LIX1: variants seen among roughly 807,000 people sequenced by gnomAD.
LIX1 encodes the protein limb and CNS expressed 1, also known as protein limb expression 1 homolog.
In LIX1, 24 loss-of-function variants were observed where a neutral mutation model predicts 33.4. The observed-to-expected ratio is 0.72, with a 90% confidence interval of 0.52 to 1.01. LIX1 has a LOEUF of 1.01. LIX1 is among the 50% of genes least tolerant of loss of function. LIX1 has a pLI of 0.00. For synonymous variants in LIX1, 124 were observed against 124.0 expected, an observed-to-expected ratio of 1.00 and a Z score of 0.00; for missense variants, 311 against 339.2, an observed-to-expected ratio of 0.92 and a Z score of 0.65.
At position 97,092,827 on chromosome 5, in the gene LIX1, C is replaced by G. The variant is rs767963125; in HGVS notation, c.*1921G>C. Reference sequence around the variant, plus strand: ...TCACATCCAGCATGGGAAATTGTGGCTTTTTGGAAATGACAATGTAAAGAG... The same window carrying G: ...TCACATCCAGCATGGGAAATTGTGGGTTTTTGGAAATGACAATGTAAAGAG... On this transcript the variant is annotated 3_prime_UTR_variant, in exon 6 of 6. Coordinates refer to ENST00000274382, the MANE Select transcript of LIX1 (RefSeq NM_153234.5). The G allele has an allele frequency of 6.6e-6, 1 of 152,248 alleles. No homozygotes were observed. The highest frequency in any genetic ancestry group is 1.5e-5 in the Non-Finnish European group (1 of 68,008). The allele number at this position is 152,248 out of a possible 1,614,324, so 9.4% of individuals were successfully genotyped here.
intron 1 of LIX1, among the ~76,000 whole-genome samples, chr5:97,132,856 A>G (rs1046932467): frequency 7.9e-5 from 12 of 152,314 alleles, no homozygotes; most frequent in African/African-American, 2.6e-4. Context: ...AAAACCCACT[A>G]GAAGTGGGTA....
intron 4 of LIX1, among the ~76,000 whole-genome samples, chr5:97,100,122 C>T (rs1052010283): frequency 2.0e-5 from 3 of 152,196 alleles, no homozygotes; most frequent in Admixed American, 6.5e-5. Flanking sequence ...CTGCTCTCCC[C>T]GCCCCATAAG....
At chr5:97,109,142 T>G (rs1009217576) in intron 2 of LIX1, among the ~76,000 whole-genome samples, 2 of 152,114 alleles carry the variant, frequency 1.3e-5, no homozygotes, top group African/African-American at 4.8e-5. Flanking sequence ...CCTCTGTGAT[T>G]TTCCCTCAAA....
intron 4 of LIX1, among the ~76,000 whole-genome samples, chr5:97,098,005 A>G (rs1746482062): frequency 6.6e-6 from 1 of 152,242 alleles, no homozygotes; most frequent in African/African-American, 2.4e-5. Context: ...TTCTGCCTAA[A>G]GCCAACTTCC....
At chr5:97,116,219 C>T (rs986821499) in intron 2 of LIX1, among the ~76,000 whole-genome samples, 2 of 152,182 alleles carry the variant, frequency 1.3e-5, no homozygotes, top group African/African-American at 4.8e-5. Flanking sequence ...CTTGACTACC[C>T]TGACCGAAGC....
At chr5:97,124,078 A>AGTATCAG (rs1747850509) in intron 2 of LIX1, among the ~76,000 whole-genome samples, 1 of 152,240 alleles carries the variant, frequency 6.6e-6, no homozygotes, top group African/African-American at 2.4e-5. Flanking sequence ...AAATATAAAT[A>AGTATCAG]GTATCAGGTA....
intron 1 of LIX1, among the ~76,000 whole-genome samples, chr5:97,128,092 A>C (rs1056932719): frequency 6.6e-6 from 1 of 152,240 alleles, no homozygotes; most frequent in African/African-American, 2.4e-5. Flanking sequence ...ATGTCTGGCT[A>C]CTAGTTATTA....
intron 4 of LIX1, among the ~76,000 whole-genome samples, chr5:97,101,012 G>T (rs1441712486): frequency 6.6e-6 from 1 of 151,498 alleles, no homozygotes; most frequent in Non-Finnish European, 1.5e-5. Context: ...GTGGTGTTTT[G>T]TTTGTGGGGT....
At chr5:97,117,009 T>TA (rs996913329) in intron 2 of LIX1, among the ~76,000 whole-genome samples, 1 of 152,050 alleles carries the variant, frequency 6.6e-6, no homozygotes, top group Non-Finnish European at 1.5e-5. Flanking sequence ...CTTTGTTTAA[T>TA]AAAAAAAGAA....
intron 1 of LIX1, among the ~76,000 whole-genome samples, chr5:97,130,096 G>A (rs957465672): frequency 1.3e-5 from 2 of 152,230 alleles, no homozygotes; most frequent in Non-Finnish European, 2.9e-5. Context: ...AAGCAATGGT[G>A]TAAATACCCA....
chr5:97,134,988 C>T (rs1415523400), intron 1 of LIX1, among the ~76,000 whole-genome samples: 1 of 152,210 alleles, frequency 6.6e-6, no homozygotes, highest in African/African-American at 2.4e-5. Flanking sequence ...CTTAACTCTT[C>T]ACCAACTGGA....
intron 2 of LIX1, 75 bp downstream of exon 2, chr5:97,124,391 T>C (rs1254864320): frequency 1.6e-6 from 2 of 1,277,796 alleles, no homozygotes; most frequent in Non-Finnish European, 2.1e-6. Flanking sequence ...ATTTGTAATG[T>C]TACCAGTTTA....
rs374770370 is a variant in LIX1, at chr5:97,096,310, A to T, written c.561+500T>A. Among the ~76,000 whole-genome samples, 21 of 152,102 alleles carry T rather than the reference A, an allele frequency of 1.4e-4. 1 individual carries two copies. In the East Asian group the frequency reaches 1.5e-3, roughly 11 times the overall value. ...AAGAAGAAACTTCTAAACCAAAAAA[A>T]TGGGAGTGATTAAATGCCGGCTTGT... On this transcript the variant is annotated intron_variant, in intron 5 of 5. Transcript: ENST00000274382.
chr5:97,104,857 C>CA (rs1236792257), intron 4 of LIX1, among the ~76,000 whole-genome samples: 1 of 152,138 alleles, frequency 6.6e-6, no homozygotes, highest in African/African-American at 2.4e-5. Context: ...CAAATGGTAA[C>CA]AACCAACATG....
At chr5:97,139,569 T>G (rs893644024) in intron 1 of LIX1, among the ~76,000 whole-genome samples, 1 of 152,220 alleles carries the variant, frequency 6.6e-6, no homozygotes, top group Non-Finnish European at 1.5e-5. Flanking sequence ...AATTGGATAT[T>G]GCACAAAGCC....
chr5:97,131,236 CAT>C (rs150508790), intron 1 of LIX1, among the ~76,000 whole-genome samples: 2,632 of 152,270 alleles, frequency 0.017, 70 homozygotes, highest in African/African-American at 0.061. Context: ...TCCCTGAACA[CAT>C]GTTGCTTATT....
Position 97,112,569 on chromosome 5 carries a change from C to A in LIX1, c.247-5069G>T, listed in dbSNP as rs879804942. ...ATTCTTACTTGTTAATATAGAAGGA[C>A]AACTTCTGTCCTTTGCACTTTGCGA... On this transcript the variant is annotated intron_variant, in intron 2 of 5. Transcript: ENST00000274382. Among the ~76,000 whole-genome samples, 8 of 152,202 alleles carry A rather than the reference C, an allele frequency of 5.3e-5. No individual in the cohort carries two copies. The East Asian group carries it at 1.2e-3, about 22-fold the overall frequency.
At chr5:97,113,695 G>A (rs73143141) in intron 2 of LIX1, among the ~76,000 whole-genome samples, 2,011 of 152,170 alleles carry the variant, frequency 0.013, 50 homozygotes, top group African/African-American at 0.041. Context: ...TTGCTATTTT[G>A]CTCTTCACAG....
chr5:97,127,693 G>A (rs1747964082), intron 1 of LIX1, among the ~76,000 whole-genome samples: 1 of 152,220 alleles, frequency 6.6e-6, no homozygotes, highest in Non-Finnish European at 1.5e-5. Flanking sequence ...AGAGGTTCAA[G>A]AGCTGCTGAA....
Sources: allele counts gnomAD v4.1 joint callset (sites outside exome capture counted in the v4.1 genomes callset), GRCh38; gene constraint gnomAD v4.1.1; transcripts MANE v1.5; gene names NCBI Gene and HGNC (gene_info 2026-07-23, HGNC 2026-07-21).